CAB39: variants seen among roughly 807,000 people sequenced by gnomAD.
CAB39 encodes calcium-binding protein 39.
In CAB39, 8 loss-of-function variants were observed where a neutral mutation model predicts 40.0. The observed-to-expected ratio is 0.20, with a 90% confidence interval of 0.12 to 0.36. CAB39 has a LOEUF of 0.36. CAB39 is among the 10% of genes least tolerant of loss of function. The pLI, the probability that CAB39 is intolerant of heterozygous loss-of-function variation, is 1.00. For synonymous variants in CAB39, 156 were observed against 141.6 expected (o/e 1.10, Z -0.72); for missense variants, 270 against 401.1 (o/e 0.67, Z 2.79).
chr2:230,721,325 G>A (rs150671771), intron 1 of CAB39, among the ~76,000 whole-genome samples: 171 of 152,298 alleles, frequency 1.1e-3, no homozygotes, highest in African/African-American at 3.8e-3. Context: ...CAGCTACTTA[G>A]AAGGCTGAGG....
chr2:230,747,990 A>G (rs570438774), intron 1 of CAB39, among the ~76,000 whole-genome samples: 1 of 152,214 alleles, frequency 6.6e-6, no homozygotes, highest in Non-Finnish European at 1.5e-5. Flanking sequence ...CCCAGTATAT[A>G]ATTTCCCTTG....
intron 4 of CAB39, among the ~76,000 whole-genome samples, chr2:230,797,087 T>G (rs977983094): frequency 6.6e-6 from 1 of 152,214 alleles, no homozygotes; most frequent in Non-Finnish European, 1.5e-5. Flanking sequence ...TTGGGTAGAT[T>G]TATTATGACA....
intron 5 of CAB39, among the ~76,000 whole-genome samples, chr2:230,802,241 A>G (rs761077263): frequency 6.6e-6 from 1 of 152,208 alleles, no homozygotes; most frequent in African/African-American, 2.4e-5. Context: ...ACCTACCGCA[A>G]TCTCTGGGAC....
At chr2:230,814,840 C>T (rs1696372985) in intron 7 of CAB39, among the ~76,000 whole-genome samples, 1 of 152,170 alleles carries the variant, frequency 6.6e-6, no homozygotes, top group South Asian at 2.1e-4. Context: ...TTAAGAAGTG[C>T]ATACCCTCCA....
intron 1 of CAB39, among the ~76,000 whole-genome samples, chr2:230,745,959 A>G (rs1257193376): frequency 6.6e-6 from 1 of 152,132 alleles, no homozygotes; most frequent in African/African-American, 2.4e-5. Flanking sequence ...TTTTTTAAGG[A>G]TGGGGCATTC....
At chr2:230,727,314 TTAAA>T (rs1694598124) in intron 1 of CAB39, among the ~76,000 whole-genome samples, 2 of 150,782 alleles carry the variant, frequency 1.3e-5, no homozygotes, top group Admixed American at 1.3e-4. Context: ...GTGTAAATAT[TTAAA>T]TAAGTATGTA....
chr2:230,750,905 T>C (rs1190351164), intron 1 of CAB39, among the ~76,000 whole-genome samples: 1 of 152,198 alleles, frequency 6.6e-6, no homozygotes, highest in African/African-American at 2.4e-5. Flanking sequence ...CATAACAAAG[T>C]CAGGATTTGA....
At chr2:230,763,535 G>A (rs958492695) in intron 2 of CAB39, among the ~76,000 whole-genome samples, 3 of 152,066 alleles carry the variant, frequency 2.0e-5, no homozygotes, top group Admixed American at 6.6e-5. Context: ...AGAGGTTGCA[G>A]TGAGCCGAGA....
intron 1 of CAB39, among the ~76,000 whole-genome samples, chr2:230,732,973 T>A (rs762851960): frequency 6.6e-6 from 1 of 152,268 alleles, no homozygotes; most frequent in Non-Finnish European, 1.5e-5. Flanking sequence ...TTAAAAAAAA[T>A]TTTAAATATG....
rs1207621000 is a variant in CAB39, at chr2:230,805,102, A to G, written c.568-5161A>G. The stretch of plus-strand genomic sequence containing the variant: ...ATGCATTCGTGTCCTTTGTAGCGAC[A>G]TGGATGAAGCTTGAAACCATCATTC... On this transcript the variant is annotated intron_variant, in intron 5 of 8. Transcript: ENST00000258418. 3.3e-5 allele frequency among the ~76,000 whole-genome samples: 5 copies of G among 152,190 alleles called. No individual in the cohort carries two copies. The East Asian group carries it at 5.8e-4, about 18-fold the overall frequency.
chr2:230,749,368 T>A (rs1239076128), intron 1 of CAB39, among the ~76,000 whole-genome samples: 2 of 152,178 alleles, frequency 1.3e-5, no homozygotes, highest in Non-Finnish European at 2.9e-5. Flanking sequence ...TACTCTTTCA[T>A]GAAGTCTTGG....
chr2:230,723,300 C>T (rs554566495), intron 1 of CAB39, among the ~76,000 whole-genome samples: 20 of 152,046 alleles, frequency 1.3e-4, no homozygotes, highest in African/African-American at 4.6e-4. Context: ...TAGTGGGAGC[C>T]TGATTTCCCA....
intron 1 of CAB39, among the ~76,000 whole-genome samples, chr2:230,740,933 G>A (rs1349061990): frequency 3.3e-5 from 5 of 152,300 alleles, no homozygotes; most frequent in Middle Eastern, 3.4e-3. Flanking sequence ...TGTGTGGTGT[G>A]ACTATTAAAA....
At chr2:230,812,975 A>G (rs991663507) in intron 6 of CAB39, among the ~76,000 whole-genome samples, 4 of 152,216 alleles carry the variant, frequency 2.6e-5, no homozygotes, top group African/African-American at 9.7e-5. Context: ...TAGACCACAG[A>G]TGAATGGCTA....
At chr2:230,732,747 T>G (rs1484547169) in intron 1 of CAB39, among the ~76,000 whole-genome samples, 5 of 152,128 alleles carry the variant, frequency 3.3e-5, no homozygotes. Flanking sequence ...GAGAGCAGGA[T>G]GGGATAAATG....
intron 2 of CAB39, among the ~76,000 whole-genome samples, chr2:230,781,784 TA>T (rs1163554101): frequency 1.3e-5 from 2 of 152,324 alleles, no homozygotes; most frequent in Non-Finnish European, 2.9e-5. Context: ...GGTGGGGCCC[TA>T]GGCATAGTCC....
At chr2:230,715,894 C>T (rs1039640262) in intron 1 of CAB39, among the ~76,000 whole-genome samples, 3 of 152,144 alleles carry the variant, frequency 2.0e-5, no homozygotes, top group Admixed American at 6.5e-5. Flanking sequence ...GAGACAGGGT[C>T]TTGCCATGTT....
At chr2:230,779,205 A>G (rs868129212) in intron 2 of CAB39, 1 of 152,228 alleles carries the variant, frequency 6.6e-6, no homozygotes, top group Non-Finnish European at 1.5e-5. Flanking sequence ...GCCCCATGGG[A>G]CATAGGGACT....
intron 2 of CAB39, among the ~76,000 whole-genome samples, chr2:230,782,898 C>T (rs1167867269): frequency 1.3e-5 from 2 of 149,482 alleles, no homozygotes; most frequent in African/African-American, 2.5e-5. Flanking sequence ...CTGCAAGCTC[C>T]GCCTCCTGGG....
Sources: gnomAD v4.1 joint callset for allele counts (sites outside exome capture counted in the v4.1 genomes callset) on GRCh38, gnomAD v4.1.1 for gene constraint, MANE v1.5 for transcripts, NCBI Gene and HGNC (gene_info 2026-07-23, HGNC 2026-07-21) for gene names.